The following GFRAL variants were observed in gnomAD, a reference collection of about 807,000 sequenced individuals.
The protein encoded by GFRAL is GDNF family receptor alpha like, also known as GDNF family receptor alpha-like.
GFRAL carries 36 observed loss-of-function variants against 45.4 expected under a neutral mutation model. That is an observed-to-expected ratio of 0.79 (90% CI 0.61 to 1.05). GFRAL has a LOEUF of 1.05. GFRAL is among the 50% of genes least tolerant of loss of function. The probability of loss-of-function intolerance (pLI) is 0.00; values close to 1 mark genes in which losing one functional copy is unlikely to be tolerated. For missense variants in GFRAL, 507 were observed against 467.5 expected (o/e 1.08, Z -0.78); for synonymous variants, 166 against 154.1 (o/e 1.08, Z -0.57).
chr6:55,369,174 C>T (rs919211839), intron 6 of GFRAL, among the ~76,000 whole-genome samples: 2 of 151,966 alleles, frequency 1.3e-5, no homozygotes, highest in South Asian at 2.1e-4. Context: ...GTCGGAAAAG[C>T]GCAGTATTCG....
In GFRAL at chr6:55,328,401, A is replaced by G. The variant is rs376556228; in HGVS notation, c.22+825A>G. 2.8e-4 allele frequency among the ~76,000 whole-genome samples: 43 copies of G among 152,038 alleles called. 1 individual carries two copies. The South Asian group carries it at 4.4e-3, about 15-fold the overall frequency. On this transcript the variant is annotated intron_variant, in intron 1 of 8. Transcript: ENST00000340465. ...TATATACTTGAATAAAGGCATAATT[A>G]TGGGCCAGAAAGCAAAGAAGTTTAC...
At chr6:55,365,064 C>A (rs1439246803) in intron 6 of GFRAL, among the ~76,000 whole-genome samples, 3 of 150,914 alleles carry the variant, frequency 2.0e-5, no homozygotes, top group Non-Finnish European at 3.0e-5. Context: ...ATTCTTCCTA[C>A]CCATGAGCAT....
At chr6:55,400,123 T>C (rs1304147131) in intron 8 of GFRAL, among the ~76,000 whole-genome samples, 1 of 148,452 alleles carries the variant, frequency 6.7e-6, no homozygotes, top group Non-Finnish European at 1.5e-5. Context: ...TTTACAACTA[T>C]ACATAAAATA....
At chr6:55,358,357 T>C (rs1768223623) in intron 5 of GFRAL, among the ~76,000 whole-genome samples, 1 of 151,972 alleles carries the variant, frequency 6.6e-6, no homozygotes, top group African/African-American at 2.4e-5. Context: ...TTCAATTTTA[T>C]TACAGCAATA....
Position 55,397,313 on chromosome 6 carries a change from T to G in GFRAL, c.953-1867T>G, listed in dbSNP as rs372443861. On this transcript the variant is annotated intron_variant, in intron 6 of 8. Transcript: ENST00000340465. ...GCGGGTGGATCATGAGGTCAGGAGA[T>G]CGAGACCATCCTGGCTAACAAGGTG... Among the ~76,000 whole-genome samples the G allele has an allele frequency of 3.3e-3, 462 of 139,046 alleles. 17 individuals are homozygous for G. Among genetic ancestry groups the G allele is most frequent in the African/African-American group, 0.011 (388 of 35,534 alleles). 91.2% of individuals were successfully genotyped at this position (139,046 alleles called of 152,430 possible).
At chr6:55,370,056 T>C (rs1768431061) in intron 6 of GFRAL, among the ~76,000 whole-genome samples, 1 of 152,196 alleles carries the variant, frequency 6.6e-6, no homozygotes. Flanking sequence ...AATCATTTTT[T>C]GAATATTCAA....
chr6:55,390,903 C>T (rs796993780), intron 6 of GFRAL, among the ~76,000 whole-genome samples: 79 of 124,146 alleles, frequency 6.4e-4, no homozygotes, highest in East Asian at 4.5e-3. Context: ...CATACACACA[C>T]ACACACACAC....
chr6:55,401,810 A>G lies in GFRAL; in HGVS notation c.1142A>G (p.Lys381Arg). Residue 381 changes from lysine (K) to arginine (R), a missense_variant, in exon 9 of 9, where the codon AAA becomes AGA. By Grantham distance (26) the Lys-to-Arg change is conservative. Coordinates refer to ENST00000340465, the MANE Select transcript of GFRAL (RefSeq NM_207410.2). The part of the protein sequence containing the change: ...VKLRTSRISS[K>R]ARDPSSIQIP... ...TACAGAACTTCCAGAATATCAAGTAAAGCAAGAGATCCTTCATCGATCCAA... is the reference window on the plus strand; with the variant it reads ...TACAGAACTTCCAGAATATCAAGTAGAGCAAGAGATCCTTCATCGATCCAA... 6.5e-7 allele frequency: 1 copy of G among 1,544,668 alleles called. No individual in the cohort carries two copies. The highest frequency in any genetic ancestry group is 9.0e-7 in the Non-Finnish European group (1 of 1,116,354).
At chr6:55,399,072 A>G (rs1365527782) in intron 6 of GFRAL, 108 bp from the exon 7 acceptor site, 1 of 564,496 alleles carries the variant, frequency 1.8e-6, no homozygotes, top group African/African-American at 1.9e-5. Flanking sequence ...GATTAAAATA[A>G]TGTAATGGAA....
intron 2 of GFRAL, among the ~76,000 whole-genome samples, chr6:55,333,023 T>C (rs963419683): frequency 1.2e-4 from 19 of 152,100 alleles, no homozygotes; most frequent in African/African-American, 4.6e-4. Flanking sequence ...TCTTGCTACA[T>C]TTTATAAGGC....
chr6:55,389,392 G>A (rs192473365), intron 6 of GFRAL, among the ~76,000 whole-genome samples: 6 of 151,954 alleles, frequency 3.9e-5, no homozygotes, highest in East Asian at 3.9e-4. Context: ...AAATCAAAAC[G>A]TACAGCAATA....
At position 55,358,905 on chromosome 6, in the gene GFRAL, T is replaced by G. The variant is rs1412387159; in HGVS notation, c.719T>G (p.Phe240Cys). The G allele has an allele frequency of 1.2e-6, 2 of 1,612,442 alleles. No individual in the cohort carries two copies. The highest frequency in any genetic ancestry group is 1.7e-6 in the Non-Finnish European group (2 of 1,179,006). ...DELCRRHYRT[F>C]QSKCWQRVTR... is the part of the protein sequence containing the mutation. ...TTCTCTAGGAGGCACTATAGAACATTTCAGTCAAAATGCTGGCAGCGTGTG... is the reference window on the plus strand; with the variant it reads ...TTCTCTAGGAGGCACTATAGAACATGTCAGTCAAAATGCTGGCAGCGTGTG... The change falls in exon 6 of 9, where the codon TTT (phenylalanine) becomes TGT (cysteine). Residue 240 changes from phenylalanine to cysteine, a missense_variant. Coordinates refer to ENST00000340465, the MANE Select transcript of GFRAL (RefSeq NM_207410.2).
intron 6 of GFRAL, among the ~76,000 whole-genome samples, chr6:55,395,859 G>C (rs79817127): frequency 0.024 from 3,660 of 151,258 alleles, 83 homozygotes; most frequent in Admixed American, 0.041. Context: ...ACCTAAATTT[G>C]TTCCTAATGC....
chr6:55,397,979 A>T (rs959724605), intron 6 of GFRAL, among the ~76,000 whole-genome samples: 1 of 152,180 alleles, frequency 6.6e-6, no homozygotes, highest in African/African-American at 2.4e-5. Context: ...GTACAATAGC[A>T]CACACTGTGC....
At chr6:55,379,402 A>T (rs1316241148) in intron 6 of GFRAL, among the ~76,000 whole-genome samples, 1 of 151,966 alleles carries the variant, frequency 6.6e-6, no homozygotes, top group Non-Finnish European at 1.5e-5. Context: ...TTGGATTAAG[A>T]ATTGAACCAT....
chr6:55,395,664 C>A (rs557832681), intron 6 of GFRAL, among the ~76,000 whole-genome samples: 1 of 151,490 alleles, frequency 6.6e-6, no homozygotes, highest in Non-Finnish European at 1.5e-5. Context: ...ATTTCTAAAT[C>A]ATTACTTTGT....
chr6:55,393,331 C>T (rs1346466673), intron 6 of GFRAL, among the ~76,000 whole-genome samples: 1 of 152,146 alleles, frequency 6.6e-6, no homozygotes, highest in Non-Finnish European at 1.5e-5. Context: ...AAGTCATTTA[C>T]TTATGGGATC....
At chr6:55,401,330 G>T (rs1546295) in intron 8 of GFRAL, among the ~76,000 whole-genome samples, 2 of 151,996 alleles carry the variant, frequency 1.3e-5, no homozygotes, top group Admixed American at 6.6e-5. Context: ...AGCATCATTG[G>T]CAACAAAACC....
chr6:55,369,386 C>T (rs546646902), intron 6 of GFRAL, among the ~76,000 whole-genome samples: 18 of 152,314 alleles, frequency 1.2e-4, no homozygotes, highest in African/African-American at 4.1e-4. Flanking sequence ...GATGGAAATG[C>T]AGAAATCACC....
Sources: allele counts gnomAD v4.1 joint callset (sites outside exome capture counted in the v4.1 genomes callset), GRCh38; gene constraint gnomAD v4.1.1; transcripts MANE v1.5; gene names NCBI Gene and HGNC (gene_info 2026-07-23, HGNC 2026-07-21).